Variants in DIPK1B observed in about 807,000 individuals in gnomAD.
DIPK1B encodes the protein family with sequence similarity 69 member B.
Under a neutral mutation model 20.7 loss-of-function variants are expected in DIPK1B, and 17 were observed. That is an observed-to-expected ratio of 0.82 (90% confidence interval 0.56 to 1.23). DIPK1B has a LOEUF of 1.23. DIPK1B is among the 50% of genes most tolerant of loss of function. The pLI, the probability that DIPK1B is intolerant of heterozygous loss-of-function variation, is 0.00. For synonymous variants in DIPK1B, 343 were observed against 276.5 expected, an observed-to-expected ratio of 1.24 and a Z score of -2.39; for missense variants, 648 against 601.8, an observed-to-expected ratio of 1.08 and a Z score of -0.80.
intron 1 of DIPK1B, among the ~76,000 whole-genome samples, chr9:136,716,291 CAG>C (rs1480023500): frequency 1.5e-5 from 2 of 129,884 alleles, no homozygotes; most frequent in African/African-American, 3.0e-5. Context: ...TTTTTTGAGA[CAG>C]GGTCTCGCTT....
At position 136,724,489 on chromosome 9, in the gene DIPK1B, A is replaced by T. The variant is rs1026459646; in HGVS notation, c.*715A>T. Among the ~76,000 whole-genome samples the T allele has an allele frequency of 6.6e-6, 1 of 152,178 alleles. No homozygotes were observed. The highest frequency in any genetic ancestry group is 1.5e-5 in the Non-Finnish European group (1 of 68,024). ...CAGTAGCCCAGGGCACCCAGCAACC[A>T]TCCCCTAGGAGAACAGGCAAGGACC... On this transcript the variant is annotated 3_prime_UTR_variant, in exon 5 of 5. Transcript: ENST00000371692.
At chr9:136,715,166 T>C (rs1846479315) in intron 1 of DIPK1B, among the ~76,000 whole-genome samples, 1 of 152,150 alleles carries the variant, frequency 6.6e-6, no homozygotes, top group South Asian at 2.1e-4. Flanking sequence ...GGGGCCTCTC[T>C]GAGGGGAAGC....
At position 136,722,003 on chromosome 9, in the gene DIPK1B, G is replaced by GC. The variant is rs1440038405; in HGVS notation, c.283dup (p.Leu95ProfsTer26). ...CTGCATATGGTGGAGTGGAGGACCTGCCTCTCGGTGGCCCCGGGCCAGCAG... is the reference window on the plus strand; with the variant it reads ...CTGCATATGGTGGAGTGGAGGACCTGCCCTCTCGGTGGCCCCGGGCCAGCAG... On this transcript the variant is annotated frameshift_variant, in exon 3 of 5. Coordinates refer to ENST00000371692, the MANE Select transcript of DIPK1B (RefSeq NM_152421.4). LOFTEE classifies it high-confidence loss of function. 7 of 1,613,308 alleles carry GC rather than the reference G, an allele frequency of 4.3e-6. No homozygotes were observed. Among genetic ancestry groups the GC allele is most frequent in the Non-Finnish European group, 5.9e-6 (7 of 1,179,976 alleles).
intron 1 of DIPK1B, 38 bp from the exon 2 acceptor site, chr9:136,717,539 C>T (rs762703093): frequency 2.5e-6 from 4 of 1,585,152 alleles, no homozygotes; most frequent in Non-Finnish European, 2.6e-6. Context: ...GCCTGGGTGC[C>T]CCGAGGGCAC....
chr9:136,712,728 G>C lies in DIPK1B; in HGVS notation c.63G>C (p.Gln21His). 1 of 1,349,758 alleles carries C rather than the reference G, an allele frequency of 7.4e-7. No homozygotes were observed. Among genetic ancestry groups the C allele is most frequent in the Non-Finnish European group, 9.5e-7 (1 of 1,054,484 alleles). The allele number at this position is 1,349,758 out of a possible 1,614,324, so 83.6% of individuals were successfully genotyped here. A position where few individuals can be genotyped will look rare whatever the true frequency, so the allele number is the denominator to read the frequency against. The change falls in exon 1 of 5, where the codon CAG (glutamine) becomes CAC (histidine). Residue 21 changes from glutamine (Q) to histidine (H), a missense_variant and splice_region_variant. Coordinates refer to ENST00000371692, the MANE Select transcript of DIPK1B (RefSeq NM_152421.4). This position sits in a 1 kb window ranked among gnomAD's most constrained non-coding sequence, Gnocchi z 5.6. ...VLFCPFSKRL[Q>H]GRLPGLRVRC... is the part of the protein sequence containing the mutation. ...TCTGCCCCTTCTCCAAGCGCCTGCA[G>C]GTAAGCGCGGTGCGCGCCCGCCGCC...
chr9:136,717,277 T>C (rs907838020), intron 1 of DIPK1B, among the ~76,000 whole-genome samples: 23 of 150,772 alleles, frequency 1.5e-4, no homozygotes, highest in African/African-American at 3.9e-4. Context: ...TCGGCCACCC[T>C]GTAGTCCCCT....
At position 136,723,586 on chromosome 9, in the gene DIPK1B, TGCGCACTGCTACGGGGC is replaced by T; in HGVS notation, c.1109_1125del (p.Cys370LeufsTer61). 6.3e-7 allele frequency: 1 copy of T among 1,595,876 alleles called. No individual in the cohort carries two copies. Among genetic ancestry groups the T allele is most frequent in the Non-Finnish European group, 8.5e-7 (1 of 1,171,894 alleles). On this transcript the variant is annotated frameshift_variant, in exon 5 of 5. Transcript: ENST00000371692. LOFTEE classifies it low-confidence loss of function (END_TRUNC). ...CATCCAGCCCAACCTGGCCAAGGTG[TGCGCACTGCTACGGGGC>T]TACCTGCTGCCTGGCGCGCCCGCCG...
intron 4 of DIPK1B, 148 bp downstream of exon 4, chr9:136,722,449 C>T (rs1487771857): frequency 9.3e-6 from 9 of 970,288 alleles, no homozygotes; most frequent in Admixed American, 2.7e-5. Context: ...AGCCCCTGGG[C>T]ATGAGCCCTG....
Position 136,723,107 on chromosome 9 carries a change from T to C in DIPK1B, c.629T>C (p.Leu210Pro). The C allele has an allele frequency of 2.5e-6, 4 of 1,613,610 alleles. No individual in the cohort carries two copies. The highest frequency in any genetic ancestry group is 3.4e-6 in the Non-Finnish European group (4 of 1,180,044). Reference sequence around the variant, plus strand: ...CAGCGTAACGAGTTCCTGCTGCTGCTGTCCCTGCAGGAGAAGGAGCACGCC... The same window carrying C: ...CAGCGTAACGAGTTCCTGCTGCTGCCGTCCCTGCAGGAGAAGGAGCACGCC... The part of the protein sequence containing the change: ...LLQRNEFLLL[L>P]SLQEKEHASR... Residue 210 changes from leucine (L) to proline (P), a missense_variant, in exon 5 of 5, where the codon CTG becomes CCG. By Grantham distance (98) the Leu-to-Pro change is moderately conservative. Transcript: ENST00000371692.
chr9:136,721,023 C>T (rs959431250), intron 2 of DIPK1B: 3 of 152,314 alleles, frequency 2.0e-5, no homozygotes, highest in African/African-American at 7.2e-5. Flanking sequence ...AGGTGTGGCT[C>T]TGGGCATCAG....
At position 136,722,942 on chromosome 9, in the gene DIPK1B, C is replaced by A. The variant is rs1295926335; in HGVS notation, c.484-20C>A. The stretch of plus-strand genomic sequence containing the variant: ...CATCAAATCAGCTGGCTTTTCCTTT[C>A]TTTTGGTCCCAAACGCCAGGCGAAC... On this transcript the variant is annotated intron_variant, in intron 4 of 4. Transcript: ENST00000371692. 1 of 1,586,486 alleles carries A rather than the reference C, an allele frequency of 6.3e-7. No individual in the cohort carries two copies. Among genetic ancestry groups the A allele is most frequent in the Admixed American group, 1.7e-5 (1 of 57,544 alleles).
Position 136,723,351 on chromosome 9 carries a change from G to A in DIPK1B, c.873G>A (p.Gly291=). ...AGGAGCTCTTCCACGGCTCTTACGG[G>A]ACTTTCTACATGTGTGAGACCACAC... The part of the protein sequence containing the change: ...FVEELFHGSY[G]TFYMCETTLA... Residue 291 remains glycine, a synonymous_variant, in exon 5 of 5, where the codon GGG becomes GGA. Transcript: ENST00000371692. The A allele has an allele frequency of 1.9e-6, 3 of 1,613,398 alleles. No homozygotes were observed. Among genetic ancestry groups the A allele is most frequent in the Non-Finnish European group, 1.7e-6 (2 of 1,179,862 alleles).
chr9:136,720,471 C>G (rs1033292114), intron 2 of DIPK1B, among the ~76,000 whole-genome samples: 1 of 145,506 alleles, frequency 6.9e-6, no homozygotes, highest in African/African-American at 2.8e-5. Flanking sequence ...CAGGAATTCT[C>G]CCCCCCCCAG....
intron 2 of DIPK1B, among the ~76,000 whole-genome samples, chr9:136,719,662 G>T (rs1846560196): frequency 6.6e-6 from 1 of 152,214 alleles, no homozygotes; most frequent in Admixed American, 6.5e-5. Context: ...CTCTGAGGAA[G>T]CCTCTCCACA....
rs1846578920 is a variant in DIPK1B at position 136,720,402 on chromosome 9, T to C, written c.199-1519T>C. Among the ~76,000 whole-genome samples the C allele has an allele frequency of 2.6e-5, 4 of 152,160 alleles. No homozygotes were observed. The South Asian group carries it at 8.3e-4, about 32-fold the overall frequency. On this transcript the variant is annotated intron_variant, in intron 2 of 4. Coordinates refer to ENST00000371692, the MANE Select transcript of DIPK1B (RefSeq NM_152421.4). The stretch of plus-strand genomic sequence containing the variant: ...GAGGGCGGGGTGTTCCGCAGCTCCC[T>C]TCCCCAGCTCCCTCCAAGCCTGCTT...
At position 136,723,664 on chromosome 9, in the gene DIPK1B, T is replaced by C; in HGVS notation, c.1186T>C (p.Cys396Arg). The C allele has an allele frequency of 6.4e-7, 1 of 1,552,244 alleles. No homozygotes were observed. The highest frequency in any genetic ancestry group is 8.7e-7 in the Non-Finnish European group (1 of 1,151,928). Residue 396 changes from cysteine (C) to arginine (R), a missense_variant, in exon 5 of 5, where the codon TGT (cysteine) becomes CGT (arginine). By Grantham distance (180) the Cys-to-Arg change is radical. Transcript: ENST00000371692. ...GGAGCTGGGCACACAGCTGCGCACC[T>C]GTACCACGCTGAGCGGGCTGGCCAG... ...REELGTQLRT[C>R]TTLSGLASQV...
Position 136,723,541 on chromosome 9 carries a change from A to C in DIPK1B, c.1063A>C (p.Arg355=). 6.3e-7 allele frequency: 1 copy of C among 1,598,518 alleles called. No homozygotes were observed. Among genetic ancestry groups the C allele is most frequent in the Non-Finnish European group, 8.5e-7 (1 of 1,173,010 alleles). Residue 355 remains arginine (R), a synonymous_variant, in exon 5 of 5, where the codon AGG becomes CGG. Coordinates refer to ENST00000371692, the MANE Select transcript of DIPK1B (RefSeq NM_152421.4). The stretch of plus-strand genomic sequence containing the variant: ...CAGGGCCCCGTGTGACAGGCTCATG[A>C]GGCAGTGCAAGGGCGACCTCATCCA... ...DCRAPCDRLM[R]QCKGDLIQPN...
At chr9:136,718,049 G>A (rs1846525968) in intron 2 of DIPK1B, among the ~76,000 whole-genome samples, 2 of 152,138 alleles carry the variant, frequency 1.3e-5, no homozygotes, top group Non-Finnish European at 2.9e-5. Context: ...GTGGGCAGCT[G>A]GCCTCACTGC....
intron 2 of DIPK1B, chr9:136,721,488 T>C: frequency 5.5e-6 from 1 of 182,950 alleles, no homozygotes. Flanking sequence ...GTGTGGCAGC[T>C]GGTGGTGTAG....
Sources: gnomAD v4.1 joint callset for allele counts (sites outside exome capture counted in the v4.1 genomes callset) on GRCh38, gnomAD v4.1.1 for gene constraint, Gnocchi (gnomAD v3.1) non-coding constraint, MANE v1.5 for transcripts, NCBI Gene and HGNC (gene_info 2026-07-23, HGNC 2026-07-21) for gene names.